The following BTBD9 variants were observed in gnomAD, a reference collection of about 807,000 sequenced individuals.
The protein encoded by BTBD9 is BTB domain containing 9.
BTBD9 carries 49 observed loss-of-function variants against 64.3 expected under a neutral mutation model. That is an observed-to-expected ratio of 0.76 (90% CI 0.61 to 0.97). BTBD9 has a LOEUF of 0.97. Ranked by LOEUF, BTBD9 falls within the 50% of genes least tolerant of loss-of-function variation. The pLI is 0.00. For synonymous variants in BTBD9, 260 were observed against 274.7 expected (o/e 0.95, Z 0.53); for missense variants, 598 against 762.1 (o/e 0.78, Z 2.53).
At chr6:38,326,220 T>G (rs570794071) in intron 7 of BTBD9, among the ~76,000 whole-genome samples, 14 of 152,200 alleles carry the variant, frequency 9.2e-5, no homozygotes, top group African/African-American at 3.1e-4. Context: ...GAACAGCAAG[T>G]GCAAAGACAC....
chr6:38,276,585 C>T (rs563501200), intron 8 of BTBD9, among the ~76,000 whole-genome samples: 5 of 152,042 alleles, frequency 3.3e-5, no homozygotes, highest in Non-Finnish European at 7.4e-5. Flanking sequence ...TTAAAATTGT[C>T]GTATTGCTAT....
chr6:38,174,658 C>T lies in BTBD9; in HGVS notation c.*327G>A. On this transcript the variant is annotated 3_prime_UTR_variant, in exon 11 of 11. Coordinates refer to ENST00000481247, the MANE Select transcript of BTBD9 (RefSeq NM_001099272.2). Reference sequence around the variant, plus strand: ...AGTGTTTGCGTGCCATTTTTGTATTCCAACACAGGCCTGTCTATGACTTCC... The same window carrying T: ...AGTGTTTGCGTGCCATTTTTGTATTTCAACACAGGCCTGTCTATGACTTCC... 3.3e-6 allele frequency: 1 copy of T among 303,552 alleles called. No homozygotes were observed. Among genetic ancestry groups the T allele is most frequent in the South Asian group, 1.1e-4 (1 of 9,406 alleles). The allele number at this position is 303,552 out of a possible 1,614,324, so 18.8% of individuals were successfully genotyped here.
chr6:38,462,026 T>C lies in BTBD9; in HGVS notation c.1154+115574A>G, dbSNP rs76038530. 6.9e-3 allele frequency among the ~76,000 whole-genome samples: 1,049 copies of C among 152,296 alleles called. 7 individuals are homozygous for C. The highest frequency in any genetic ancestry group is 0.024 in the African/African-American group (991 of 41,560). On this transcript the variant is annotated intron_variant, in intron 6 of 10. Coordinates refer to ENST00000481247, the MANE Select transcript of BTBD9 (RefSeq NM_001099272.2). ...CCTTTTTCCCCCTGAGGTGTTTTTGTTGTTGTTGTTGAATTGTAAGAATTC... is the reference window on the plus strand; with the variant it reads ...CCTTTTTCCCCCTGAGGTGTTTTTGCTGTTGTTGTTGAATTGTAAGAATTC...
At chr6:38,500,060 C>T (rs1772125952) in intron 6 of BTBD9, among the ~76,000 whole-genome samples, 1 of 152,110 alleles carries the variant, frequency 6.6e-6, no homozygotes, top group Admixed American at 6.6e-5. Context: ...CTAACCTTCC[C>T]CTCACACACA....
At chr6:38,596,274 G>C (rs550859764) in intron 2 of BTBD9, among the ~76,000 whole-genome samples, 1 of 152,110 alleles carries the variant, frequency 6.6e-6, no homozygotes, top group African/African-American at 2.4e-5. Flanking sequence ...CAAATATTAC[G>C]AAGGTTCAAT....
chr6:38,384,110 T>C (rs1245242112), intron 6 of BTBD9, among the ~76,000 whole-genome samples: 2 of 152,170 alleles, frequency 1.3e-5, no homozygotes, highest in African/African-American at 2.4e-5. Context: ...TCTGACTCAG[T>C]TGCAAGCTGA....
intron 9 of BTBD9, among the ~76,000 whole-genome samples, chr6:38,245,941 A>G (rs997821927): frequency 2.0e-5 from 3 of 152,184 alleles, no homozygotes; most frequent in Non-Finnish European, 2.9e-5. Context: ...AAAAATTATT[A>G]CCCTCACAGA....
At chr6:38,373,125 A>G (rs1765493161) in intron 6 of BTBD9, among the ~76,000 whole-genome samples, 1 of 152,164 alleles carries the variant, frequency 6.6e-6, no homozygotes, top group African/African-American at 2.4e-5. Context: ...ACATATTCAC[A>G]AGAGATCAAA....
At chr6:38,622,638 C>T (rs1463019298) in intron 1 of BTBD9, among the ~76,000 whole-genome samples, 1 of 152,196 alleles carries the variant, frequency 6.6e-6, no homozygotes, top group Admixed American at 6.5e-5. Flanking sequence ...AAAGCCTATA[C>T]ATGGCCCTGT....
rs927838495 is a variant in BTBD9 at position 38,384,407 on chromosome 6, G to A, written c.1155-39314C>T. On this transcript the variant is annotated intron_variant, in intron 6 of 10. Transcript: ENST00000481247. Reference sequence around the variant, plus strand: ...TTAAAAGAGACAAAGATTGCTATCAGATATAAATCCCTTTTTATCTTTCCT... The same window carrying A: ...TTAAAAGAGACAAAGATTGCTATCAAATATAAATCCCTTTTTATCTTTCCT... 3.9e-5 allele frequency among the ~76,000 whole-genome samples: 6 copies of A among 152,284 alleles called. No homozygotes were observed. In the East Asian group the frequency reaches 1.2e-3, roughly 29 times the overall value.
chr6:38,549,376 G>T (rs1774695403), intron 6 of BTBD9, among the ~76,000 whole-genome samples: 1 of 152,192 alleles, frequency 6.6e-6, no homozygotes, highest in Admixed American at 6.5e-5. Flanking sequence ...CCATGGCATT[G>T]CCCCAAGTCT....
In BTBD9 at chr6:38,345,085, C is replaced by A; in HGVS notation, c.1163G>T (p.Arg388Leu). Residue 388 changes from arginine (R) to leucine (L), a missense_variant, in exon 7 of 11, where the codon CGA becomes CTA. Physicochemically the swap from Arg to Leu is moderately radical, Grantham distance 102. Coordinates refer to ENST00000481247, the MANE Select transcript of BTBD9 (RefSeq NM_001099272.2). ...CACTGTGTTGTGAGTCCCAACAATT[C>A]GAATATACCTGACGGTAAAAAGAAA... ...YFPARVCRYI[R>L]IVGTHNTVNK... is the part of the protein sequence containing the mutation. 8.1e-6 allele frequency: 13 copies of A among 1,596,596 alleles called. No individual in the cohort carries two copies. The highest frequency in any genetic ancestry group is 1.1e-5 in the Non-Finnish European group (13 of 1,167,614).
chr6:38,179,341 A>T, intron 10 of BTBD9: 1 of 413,488 alleles, frequency 2.4e-6, no homozygotes. Flanking sequence ...ATCAAGAAAG[A>T]TCAGAATTTG....
intron 6 of BTBD9, among the ~76,000 whole-genome samples, chr6:38,480,343 G>A (rs1036396748): frequency 2.0e-5 from 3 of 152,078 alleles, no homozygotes; most frequent in Admixed American, 1.3e-4. Flanking sequence ...CTCCTTTGTC[G>A]GTGCTCAATA....
chr6:38,415,764 C>T (rs1369955102), intron 6 of BTBD9, among the ~76,000 whole-genome samples: 1 of 152,102 alleles, frequency 6.6e-6, no homozygotes, highest in Non-Finnish European at 1.5e-5. Context: ...TCACAGCCTC[C>T]TACTGGTTTC....
intron 7 of BTBD9, among the ~76,000 whole-genome samples, chr6:38,334,695 G>A (rs995511214): frequency 2.6e-5 from 4 of 151,410 alleles, no homozygotes; most frequent in African/African-American, 7.3e-5. Context: ...CAAGCTGTAC[G>A]CATTTACATT....
intron 4 of BTBD9, 22 bp from the exon 5 acceptor site, chr6:38,580,459 G>A: frequency 6.3e-7 from 1 of 1,585,724 alleles, no homozygotes; most frequent in Non-Finnish European, 8.6e-7. Flanking sequence ...AATAGAAAAA[G>A]CAAGGTTAAT....
intron 6 of BTBD9, among the ~76,000 whole-genome samples, chr6:38,430,922 ATTTGATGTGGTTGACTTCTGTCTT>A: frequency 6.6e-6 from 1 of 151,936 alleles, no homozygotes; most frequent in East Asian, 1.9e-4. Context: ...TCTCAGCGTC[ATTTGATGTGGTTGACTTCTGTCTT>A]TTAATGCTTT....
In BTBD9 at chr6:38,178,102, C is replaced by T. The variant is rs893528466; in HGVS notation, c.1642-2920G>A. Among the ~76,000 whole-genome samples the T allele has an allele frequency of 7.9e-5, 12 of 152,380 alleles. No homozygotes were observed. The South Asian group carries it at 8.3e-4, about 11-fold the overall frequency. On this transcript the variant is annotated intron_variant, in intron 10 of 10. Coordinates refer to ENST00000481247, the MANE Select transcript of BTBD9 (RefSeq NM_001099272.2). ...CCCAGAATCCCAACTAAATGAAGTG[C>T]AGTCTCCCTGAGCATCTCCACCAAG...
Sources: gnomAD v4.1 joint callset for allele counts (sites outside exome capture counted in the v4.1 genomes callset) on GRCh38, gnomAD v4.1.1 for gene constraint, MANE v1.5 for transcripts, NCBI Gene and HGNC (gene_info 2026-07-23, HGNC 2026-07-21) for gene names.